Variants in LAMC1 observed in about 807,000 individuals in gnomAD.
The protein encoded by LAMC1 is laminin subunit gamma-1.
In LAMC1, 38 loss-of-function variants were observed where a neutral mutation model predicts 173.6. That is an observed-to-expected ratio of 0.22 (90% confidence interval 0.17 to 0.29). The LOEUF is 0.29. Among genes scored for constraint, LAMC1 ranks in the 10% least tolerant of loss-of-function variants. The pLI, the probability that LAMC1 is intolerant of heterozygous loss-of-function variation, is 1.00. For synonymous variants in LAMC1, 746 were observed against 749.1 expected, an observed-to-expected ratio of 1.00 and a Z score of 0.07; for missense variants, 1,824 against 2,051.8, an observed-to-expected ratio of 0.89 and a Z score of 2.14.
At chr1:183,108,178 A>G in intron 2 of LAMC1, 98 bp from the exon 3 acceptor site, 1 of 1,140,212 alleles carries the variant, frequency 8.8e-7, no homozygotes, top group Non-Finnish European at 1.3e-6. Flanking sequence ...GCGTAAGTTA[A>G]ATGATAATAA....
intron 1 of LAMC1, among the ~76,000 whole-genome samples, chr1:183,099,386 G>A (rs552767455): frequency 2.0e-5 from 3 of 152,038 alleles, no homozygotes; most frequent in Non-Finnish European, 2.9e-5. Context: ...TACTGAGCCC[G>A]GCCCATTCTC....
Position 183,023,761 on chromosome 1 carries a change from G to A in LAMC1, c.45G>A (p.Gly15=). 2.4e-6 allele frequency: 3 copies of A among 1,228,364 alleles called. No individual in the cohort carries two copies. The highest frequency in any genetic ancestry group is 6.7e-5 in the East Asian group (2 of 29,816). 76.1% of individuals were successfully genotyped at this position (1,228,364 alleles called of 1,614,324 possible). A position where few individuals can be genotyped will look rare whatever the true frequency, so the allele number is the denominator to read the frequency against. ...HRAAPALRPR[G]RLWPVLAVLA... ...CCGCGCCGGCCCTGCGGCCCCGGGG[G>A]CGGCTCTGGCCCGTGCTGGCCGTGC... Residue 15 remains glycine, a synonymous_variant, in exon 1 of 28, where the codon GGG becomes GGA. Transcript: ENST00000258341.
chr1:183,038,418 G>T (rs1253732450), intron 1 of LAMC1, among the ~76,000 whole-genome samples: 2 of 152,162 alleles, frequency 1.3e-5, no homozygotes, highest in African/African-American at 4.8e-5. Flanking sequence ...TGAGTGTTGG[G>T]CTTAAAATGT....
rs758768210 is a variant in LAMC1 at position 183,134,649 on chromosome 1, G to C, written c.3850-11G>C. On this transcript the variant is annotated splice_polypyrimidine_tract_variant and intron_variant, in intron 22 of 27. Transcript: ENST00000258341. ...TATCCAAAGTGTAGTGATCTTACTT[G>C]CTTTTCACAGAATGAAGCAAATAAC... 6.2e-7 allele frequency: 1 copy of C among 1,604,574 alleles called. No homozygotes were observed.
chr1:183,104,996 G>T (rs1394880329), intron 2 of LAMC1, among the ~76,000 whole-genome samples: 1 of 151,086 alleles, frequency 6.6e-6, no homozygotes, highest in Non-Finnish European at 1.5e-5. Flanking sequence ...ATCACTTGAG[G>T]TCAGGCATTC....
In LAMC1 at chr1:183,118,799, T is replaced by A. The variant is rs184741144; in HGVS notation, c.1990+653T>A. 1.4e-3 allele frequency among the ~76,000 whole-genome samples: 211 copies of A among 152,330 alleles called. 2 individuals carry two copies. Among genetic ancestry groups the A allele is most frequent in the African/African-American group, 4.8e-3 (199 of 41,578 alleles). On this transcript the variant is annotated intron_variant, in intron 11 of 27. Coordinates refer to ENST00000258341, the MANE Select transcript of LAMC1 (RefSeq NM_002293.4). ...CTTCATTTCTTTTTATTTACTGTTG[T>A]GTAATTATAATTTATAATTTGAGCC... is the stretch of plus-strand genomic sequence containing the variant.
At chr1:183,108,551 A>T in intron 3 of LAMC1, 145 bp downstream of exon 3, 1 of 626,504 alleles carries the variant, frequency 1.6e-6, no homozygotes, top group Non-Finnish European at 2.6e-6. Flanking sequence ...CTGTGTGATA[A>T]TGCTTAGCTG....
chr1:183,086,672 C>T (rs1655436921), intron 1 of LAMC1, among the ~76,000 whole-genome samples: 2 of 152,180 alleles, frequency 1.3e-5, no homozygotes, highest in Non-Finnish European at 2.9e-5. Flanking sequence ...TTCTATTATT[C>T]ATTGCAAATT....
intron 5 of LAMC1, among the ~76,000 whole-genome samples, chr1:183,115,233 C>T (rs1656284098): frequency 6.6e-6 from 1 of 152,158 alleles, no homozygotes; most frequent in Non-Finnish European, 1.5e-5. Flanking sequence ...AGAGAAGTAA[C>T]TGATCTTGTG....
chr1:183,090,519 A>G (rs989248826), intron 1 of LAMC1, among the ~76,000 whole-genome samples: 43 of 152,210 alleles, frequency 2.8e-4, no homozygotes, highest in African/African-American at 9.9e-4. Flanking sequence ...GCTCACAATC[A>G]GTCACTTGTA....
chr1:183,064,777 G>A (rs1210550257), intron 1 of LAMC1, among the ~76,000 whole-genome samples: 1 of 152,114 alleles, frequency 6.6e-6, no homozygotes, highest in Non-Finnish European at 1.5e-5. Flanking sequence ...TATGATTACT[G>A]TTTATTCAAT....
At chr1:183,069,093 A>T (rs921230766) in intron 1 of LAMC1, among the ~76,000 whole-genome samples, 1 of 152,200 alleles carries the variant, frequency 6.6e-6, no homozygotes. Context: ...GTAACTTCAT[A>T]TTACAGACTC....
intron 21 of LAMC1, 73 bp from the exon 22 acceptor site, chr1:183,133,333 A>G (rs115782217): frequency 0.016 from 21,499 of 1,334,816 alleles, 400 homozygotes; most frequent in South Asian, 0.077. Flanking sequence ...TCACATGATC[A>G]TGTTAATCTG....
chr1:183,128,964 C>A, intron 18 of LAMC1: 1 of 297,154 alleles, frequency 3.4e-6, no homozygotes, highest in Non-Finnish European at 6.1e-6. Flanking sequence ...GATTTTCCAA[C>A]AAATAAAAAA....
At position 183,130,536 on chromosome 1, in the gene LAMC1, C is replaced by G. The variant is rs766220152; in HGVS notation, c.3473C>G (p.Ala1158Gly). 11 of 1,614,112 alleles carry G rather than the reference C, an allele frequency of 6.8e-6. No homozygotes were observed. Among genetic ancestry groups the G allele is most frequent in the Non-Finnish European group, 9.3e-6 (11 of 1,179,964 alleles). ...ASRELEKAKV[A>G]AANVSVTQPE... ...AGAGAACTTGAGAAAGCAAAAGTCG[C>G]TGCTGCCAATGTGGTAAGTGATTGC... Residue 1158 changes from alanine (A) to glycine (G), a missense_variant, in exon 19 of 28, where the codon GCT (alanine) becomes GGT (glycine). By Grantham distance (60) the Ala-to-Gly change is moderately conservative. Transcript: ENST00000258341.
intron 1 of LAMC1, among the ~76,000 whole-genome samples, chr1:183,094,499 T>G (rs1248842109): frequency 6.6e-6 from 1 of 152,218 alleles, no homozygotes; most frequent in Non-Finnish European, 1.5e-5. Context: ...CTTGTCTTAT[T>G]CTCTGCTGAT....
At chr1:183,077,784 A>ATATATATATATATATATATATG (rs1655156860) in intron 1 of LAMC1, among the ~76,000 whole-genome samples, 1 of 105,362 alleles carries the variant, frequency 9.5e-6, no homozygotes, top group South Asian at 3.2e-4. Context: ...GTGTATATAT[A>ATATATATATATATATATATATG]TATATATATA....
At chr1:183,104,974 G>A (rs756731078) in intron 2 of LAMC1, among the ~76,000 whole-genome samples, 11 of 151,624 alleles carry the variant, frequency 7.3e-5, no homozygotes, top group African/African-American at 1.5e-4. Flanking sequence ...TTTGGGAGGC[G>A]GAGGCAGGTG....
At chr1:183,110,784 A>G in intron 4 of LAMC1, 130 bp downstream of exon 4, 1 of 937,448 alleles carries the variant, frequency 1.1e-6, no homozygotes, top group South Asian at 1.7e-5. Context: ...GTGTAATTTG[A>G]GTAGTATTCA....
Sources: allele counts gnomAD v4.1 joint callset (sites outside exome capture counted in the v4.1 genomes callset), GRCh38; gene constraint gnomAD v4.1.1; transcripts MANE v1.5; gene names NCBI Gene and HGNC (gene_info 2026-07-23, HGNC 2026-07-21).